The following GML variants were observed in gnomAD, a reference collection of about 807,000 sequenced individuals.
The protein encoded by GML is glycosyl-phosphatidylinositol-anchored molecule-like protein.
Under a neutral mutation model 8.2 loss-of-function variants are expected in GML, and 5 were observed. The ratio of observed to expected loss-of-function variants is 0.61; its 90% confidence interval spans 0.32 to 1.28. The LOEUF (loss-of-function observed/expected upper bound fraction) is 1.28. Ranked by LOEUF, GML falls within the 50% of genes most tolerant of loss-of-function variation. The pLI, the probability that GML is intolerant of heterozygous loss-of-function variation, is 0.06. For synonymous variants in GML, 72 were observed against 69.0 expected (o/e 1.04, Z -0.22); for missense variants, 191 against 198.3 (o/e 0.96, Z 0.22).
intron 2 of GML, 33 bp downstream of exon 2, chr8:142,840,543 G>A (rs1370174336): frequency 2.0e-6 from 3 of 1,505,368 alleles, no homozygotes; most frequent in Admixed American, 3.3e-5. Context: ...GTCCTGGAGA[G>A]GACGAGAATT....
intron 3 of GML, among the ~76,000 whole-genome samples, chr8:142,843,279 C>CACACAG (rs1554650506): frequency 6.6e-6 from 1 of 151,794 alleles, no homozygotes; most frequent in Non-Finnish European, 1.5e-5. Context: ...CACACACACA[C>CACACAG]ACACACACAC....
chr8:142,843,255 TACACACACACACACAC>T (rs55778635), intron 3 of GML, among the ~76,000 whole-genome samples: 30 of 139,998 alleles, frequency 2.1e-4, no homozygotes, highest in African/African-American at 2.7e-4. Flanking sequence ...AAAAGGTTCA[TACACACACACACACAC>T]ACACACACAC....
At position 142,846,733 on chromosome 8, in the gene GML, A is replaced by G. The variant is rs369120924; in HGVS notation, c.*43A>G. On this transcript the variant is annotated 3_prime_UTR_variant, in exon 4 of 4. Transcript: ENST00000220940. ...GTCTGACCATCTTCACCTGTTCCGC[A>G]GAGAAATGTTGCTCTCCATTATTCC... 4.9e-6 allele frequency: 7 copies of G among 1,426,166 alleles called. No individual in the cohort carries two copies. The highest frequency in any genetic ancestry group is 6.9e-6 in the Non-Finnish European group (7 of 1,021,194). 88.3% of individuals were successfully genotyped at this position (1,426,166 alleles called of 1,614,324 possible).
intron 2 of GML, 55 bp from the exon 3 acceptor site, chr8:142,841,062 TG>T: frequency 1.2e-6 from 1 of 857,570 alleles, no homozygotes; most frequent in East Asian, 2.4e-5. Flanking sequence ...GAGCTGGTAA[TG>T]GGTGGAAAAG....
intron 1 of GML, among the ~76,000 whole-genome samples, chr8:142,838,379 G>A (rs1390893277): frequency 6.6e-6 from 1 of 152,130 alleles, no homozygotes; most frequent in Non-Finnish European, 1.5e-5. Context: ...GTTATCTGTG[G>A]CACATTTGTA....
intron 3 of GML, among the ~76,000 whole-genome samples, chr8:142,842,497 C>T (rs1317046912): frequency 6.6e-6 from 1 of 152,200 alleles, no homozygotes; most frequent in Non-Finnish European, 1.5e-5. Flanking sequence ...ACTATCTTTC[C>T]CATAACTCCC....
chr8:142,837,316 T>A (rs1203753156), intron 1 of GML, among the ~76,000 whole-genome samples: 4 of 133,414 alleles, frequency 3.0e-5, no homozygotes, highest in Non-Finnish European at 6.4e-5. Context: ...AGAAACTATG[T>A]CTCTTTTTTA....
chr8:142,841,253 A>G lies in GML; in HGVS notation c.181+28A>G, dbSNP rs749105495. 6 of 1,097,206 alleles carry G rather than the reference A, an allele frequency of 5.5e-6. No individual in the cohort carries two copies. The East Asian group carries it at 1.2e-4, about 22-fold the overall frequency. The allele number at this position is 1,097,206 out of a possible 1,614,324, so 68.0% of individuals were successfully genotyped here. On this transcript the variant is annotated intron_variant, in intron 3 of 3. Coordinates refer to ENST00000220940, the MANE Select transcript of GML (RefSeq NM_002066.3). ...AAGTACCTCTTTGTCATTTTGACAC[A>G]TTGTAGATTAGTCCCCTACCTGGGT...
chr8:142,843,377 C>T (rs1312703508), intron 3 of GML, among the ~76,000 whole-genome samples: 1 of 151,186 alleles, frequency 6.6e-6, no homozygotes, highest in Non-Finnish European at 1.5e-5. Flanking sequence ...GTTTAATTCA[C>T]CATATTAACA....
chr8:142,841,107 TC>T lies in GML; in HGVS notation c.74-7del. The T allele has an allele frequency of 1.5e-6, 2 of 1,311,268 alleles. No homozygotes were observed. The highest frequency in any genetic ancestry group is 2.2e-6 in the Non-Finnish European group (2 of 903,502). The allele number at this position is 1,311,268 out of a possible 1,614,324, so 81.2% of individuals were successfully genotyped here. On this transcript the variant is annotated splice_polypyrimidine_tract_variant and intron_variant, in intron 2 of 3. Coordinates refer to ENST00000220940, the MANE Select transcript of GML (RefSeq NM_002066.3). ...GAGCAGAAGCCTGAAGCCTGCTTTC[TC>T]CCCTCTCAGGGACTTACAGTTTGAG...
chr8:142,838,894 C>G (rs996146313), intron 1 of GML, among the ~76,000 whole-genome samples: 2 of 152,148 alleles, frequency 1.3e-5, no homozygotes, highest in Non-Finnish European at 2.9e-5. Context: ...TTCTAGTATT[C>G]CATTGTAGCT....
intron 3 of GML, 60 bp from the exon 4 acceptor site, chr8:142,846,332 GCCT>G: frequency 9.8e-7 from 1 of 1,024,194 alleles, no homozygotes; most frequent in Non-Finnish European, 1.5e-6. Context: ...AGGTGTATGT[GCCT>G]CAATATTTAC....
intron 1 of GML, among the ~76,000 whole-genome samples, chr8:142,837,258 C>T (rs374743824): frequency 2.6e-5 from 4 of 151,950 alleles, no homozygotes; most frequent in African/African-American, 7.2e-5. Context: ...CACGCCATTG[C>T]ACTCCAACTC....
chr8:142,839,058 G>A (rs970396571), intron 1 of GML, among the ~76,000 whole-genome samples: 17 of 152,230 alleles, frequency 1.1e-4, no homozygotes, highest in African/African-American at 3.9e-4. Flanking sequence ...CAGTGTACAT[G>A]CTCTGGGTCA....
At chr8:142,837,123 G>A (rs532027054) in intron 1 of GML, among the ~76,000 whole-genome samples, 18 of 151,780 alleles carry the variant, frequency 1.2e-4, no homozygotes, top group South Asian at 6.2e-4. Flanking sequence ...GTGAAACCCC[G>A]TCTCTACTAA....
At position 142,846,713 on chromosome 8, in the gene GML, A is replaced by G. The variant is rs532242687; in HGVS notation, c.*23A>G. On this transcript the variant is annotated 3_prime_UTR_variant, in exon 4 of 4. Coordinates refer to ENST00000220940, the MANE Select transcript of GML (RefSeq NM_002066.3). ...TGAGGACCCCACCTTGGAGGGTCTG[A>G]CCATCTTCACCTGTTCCGCAGAGAA... 2 of 1,540,212 alleles carry G rather than the reference A, an allele frequency of 1.3e-6. No individual in the cohort carries two copies. The highest frequency in any genetic ancestry group is 1.7e-5 in the Admixed American group (1 of 58,936).
intron 1 of GML, among the ~76,000 whole-genome samples, chr8:142,835,675 C>T (rs1563857362): frequency 6.6e-6 from 1 of 152,118 alleles, no homozygotes; most frequent in South Asian, 2.1e-4. Flanking sequence ...TTCTTAAGTT[C>T]CAAACAGATG....
At chr8:142,843,255 TACACACAC>T (rs55778635) in intron 3 of GML, among the ~76,000 whole-genome samples, 2,511 of 140,074 alleles carry the variant, frequency 0.018, 45 homozygotes, top group Admixed American at 0.023. Context: ...AAAAGGTTCA[TACACACAC>T]ACACACACAC....
In GML at chr8:142,834,856, C is replaced by G. The variant is rs1396876653; in HGVS notation, c.-35C>G. ...CGGCGGGCACGCACACTGCGGGGCTCCGAGGGGCACAGGTCAGTTTCCTGA... is the reference window on the plus strand; with the variant it reads ...CGGCGGGCACGCACACTGCGGGGCTGCGAGGGGCACAGGTCAGTTTCCTGA... On this transcript the variant is annotated 5_prime_UTR_variant, in exon 1 of 4. Coordinates refer to ENST00000220940, the MANE Select transcript of GML (RefSeq NM_002066.3). The G allele has an allele frequency of 6.6e-6, 1 of 152,668 alleles. No homozygotes were observed. Among genetic ancestry groups the G allele is most frequent in the Non-Finnish European group, 1.5e-5 (1 of 68,336 alleles). 9.5% of individuals were successfully genotyped at this position (152,668 alleles called of 1,614,324 possible). A position where few individuals can be genotyped will look rare whatever the true frequency, so the allele number is the denominator to read the frequency against.
Sources: allele counts gnomAD v4.1 joint callset (sites outside exome capture counted in the v4.1 genomes callset), GRCh38; gene constraint gnomAD v4.1.1; transcripts MANE v1.5; gene names NCBI Gene and HGNC (gene_info 2026-07-23, HGNC 2026-07-21).